The following MTX2 variants were observed in gnomAD, a reference collection of about 807,000 sequenced individuals.
MTX2 encodes the protein metaxin-2.
MTX2 carries 35 observed loss-of-function variants against 42.3 expected under a neutral mutation model. The ratio of observed to expected loss-of-function variants is 0.83; its 90% confidence interval spans 0.63 to 1.10. MTX2 has a LOEUF of 1.10. Among genes scored for constraint, MTX2 ranks in the 50% least tolerant of loss-of-function variants. The probability of loss-of-function intolerance (pLI) is 0.00; values close to 1 mark genes in which losing one functional copy is unlikely to be tolerated. For synonymous variants in MTX2, 119 were observed against 100.9 expected, an observed-to-expected ratio of 1.18 and a Z score of -1.08; for missense variants, 307 against 304.1, an observed-to-expected ratio of 1.01 and a Z score of -0.07.
intron 3 of MTX2, among the ~76,000 whole-genome samples, chr2:176,315,682 T>C (rs1011371391): frequency 2.6e-5 from 4 of 152,134 alleles, no homozygotes; most frequent in African/African-American, 9.7e-5. Context: ...TAAATGATAT[T>C]TTTGGTTGCC....
intron 1 of MTX2, among the ~76,000 whole-genome samples, chr2:176,289,731 C>T (rs2105406564): frequency 6.6e-6 from 1 of 152,014 alleles, no homozygotes; most frequent in South Asian, 2.1e-4. Flanking sequence ...GAAAGTGGTA[C>T]AGGAATTTCT....
chr2:176,301,995 A>G (rs149525897), intron 3 of MTX2, among the ~76,000 whole-genome samples: 38 of 152,238 alleles, frequency 2.5e-4, no homozygotes, highest in Admixed American at 1.8e-3. Context: ...GAGTGTCTTT[A>G]TATAATAAAA....
At chr2:176,309,578 G>A (rs992854186) in intron 3 of MTX2, among the ~76,000 whole-genome samples, 1 of 152,122 alleles carries the variant, frequency 6.6e-6, no homozygotes, top group East Asian at 1.9e-4. Flanking sequence ...GGGTGCTCTT[G>A]TATTGGGTGC....
intron 3 of MTX2, among the ~76,000 whole-genome samples, chr2:176,316,985 C>G (rs1172681180): frequency 6.9e-6 from 1 of 145,622 alleles, no homozygotes; most frequent in African/African-American, 2.5e-5. Flanking sequence ...TTGTATATTA[C>G]AACCAGTGGT....
chr2:176,321,172 A>G (rs193084715), intron 3 of MTX2, among the ~76,000 whole-genome samples: 1 of 152,200 alleles, frequency 6.6e-6, no homozygotes, highest in Non-Finnish European at 1.5e-5. Context: ...TTTTGAAAGA[A>G]CTGTTTATAT....
intron 8 of MTX2, 68 bp from the exon 9 acceptor site, chr2:176,330,516 C>T (rs1002203663): frequency 2.1e-5 from 24 of 1,120,870 alleles, no homozygotes; most frequent in Admixed American, 1.6e-4. Flanking sequence ...ATACAAGTTA[C>T]GTTTTAGATA....
At chr2:176,275,918 T>C (rs1465132006) in intron 1 of MTX2, among the ~76,000 whole-genome samples, 2 of 152,342 alleles carry the variant, frequency 1.3e-5, no homozygotes, top group East Asian at 1.9e-4. Flanking sequence ...GGCTGCAGTG[T>C]TGATTGCTTC....
At chr2:176,287,134 A>G (rs1693224316) in intron 1 of MTX2, among the ~76,000 whole-genome samples, 1 of 152,224 alleles carries the variant, frequency 6.6e-6, no homozygotes, top group Non-Finnish European at 1.5e-5. Flanking sequence ...AGGTACACAT[A>G]AGGAGATAGG....
chr2:176,315,955 G>T (rs1040916375), intron 3 of MTX2, among the ~76,000 whole-genome samples: 18 of 152,120 alleles, frequency 1.2e-4, no homozygotes, highest in African/African-American at 4.3e-4. Flanking sequence ...TAAGTAGCAG[G>T]AATTACCATG....
intron 9 of MTX2, among the ~76,000 whole-genome samples, chr2:176,333,209 G>A (rs1684901712): frequency 6.6e-6 from 1 of 151,432 alleles, no homozygotes; most frequent in South Asian, 2.1e-4. Flanking sequence ...TCATAGGAGG[G>A]GAATTGCTAT....
At chr2:176,302,635 A>G (rs185683946) in intron 3 of MTX2, among the ~76,000 whole-genome samples, 2 of 151,892 alleles carry the variant, frequency 1.3e-5, no homozygotes, top group Non-Finnish European at 2.9e-5. Context: ...ACGGGGTTTC[A>G]CCATGTTGGC....
chr2:176,298,036 A>G (rs1398183969), intron 3 of MTX2, 141 bp downstream of exon 3: 7 of 445,746 alleles, frequency 1.6e-5, no homozygotes, highest in Non-Finnish European at 2.8e-5. Context: ...CATTATCTAT[A>G]TAACATTGCT....
intron 1 of MTX2, among the ~76,000 whole-genome samples, chr2:176,271,561 C>G (rs1345424405): frequency 6.6e-6 from 1 of 152,004 alleles, no homozygotes; most frequent in African/African-American, 2.4e-5. Flanking sequence ...GTTCTCTGTC[C>G]CTAATAATGT....
chr2:176,323,097 G>T (rs1348306476), intron 3 of MTX2, among the ~76,000 whole-genome samples: 2 of 151,736 alleles, frequency 1.3e-5, no homozygotes, highest in Non-Finnish European at 2.9e-5. Flanking sequence ...AGTATTGCTG[G>T]TTTACATAAA....
intron 1 of MTX2, among the ~76,000 whole-genome samples, chr2:176,280,424 C>A (rs1693051497): frequency 6.6e-6 from 1 of 152,176 alleles, no homozygotes; most frequent in Non-Finnish European, 1.5e-5. Flanking sequence ...TCTTAACTGG[C>A]AAGTTACTTT....
intron 1 of MTX2, among the ~76,000 whole-genome samples, chr2:176,271,190 GA>G (rs1692796292): frequency 6.6e-6 from 1 of 152,102 alleles, no homozygotes; most frequent in Non-Finnish European, 1.5e-5. Context: ...TTTAAAAATG[GA>G]TAATTCAATA....
intron 9 of MTX2, among the ~76,000 whole-genome samples, chr2:176,330,918 A>T (rs559156402): frequency 7.9e-5 from 12 of 151,170 alleles, no homozygotes; most frequent in East Asian, 3.9e-4. Context: ...TAAGGTTTTA[A>T]TGAGGTAGTT....
intron 1 of MTX2, among the ~76,000 whole-genome samples, chr2:176,270,685 T>C (rs1256217285): frequency 6.6e-6 from 1 of 152,236 alleles, no homozygotes; most frequent in African/African-American, 2.4e-5. Context: ...TTCACTGCTT[T>C]GCGTTTGTGT....
At chr2:176,299,522 T>C (rs1459142233) in intron 3 of MTX2, among the ~76,000 whole-genome samples, 1 of 152,132 alleles carries the variant, frequency 6.6e-6, no homozygotes, top group Non-Finnish European at 1.5e-5. Flanking sequence ...CCTTTTACAA[T>C]GTAGAATTTT....
Sources: allele counts gnomAD v4.1 joint callset (sites outside exome capture counted in the v4.1 genomes callset), GRCh38; gene constraint gnomAD v4.1.1; transcripts MANE v1.5; gene names NCBI Gene and HGNC (gene_info 2026-07-23, HGNC 2026-07-21).